MGST1: variants seen among roughly 807,000 people sequenced by gnomAD.
MGST1 encodes the protein glutathione S-transferase 12.
In MGST1, 5 loss-of-function variants were observed where a neutral mutation model predicts 8.9. The ratio of observed to expected loss-of-function variants is 0.56; its 90% CI spans 0.29 to 1.19. The LOEUF is 1.19. Ranked by LOEUF, MGST1 falls within the 50% of genes most tolerant of loss-of-function variation. The pLI is 0.08. For missense variants in MGST1, 182 were observed against 187.4 expected (o/e 0.97, Z 0.17); for synonymous variants, 54 against 67.8 (o/e 0.80, Z 1.00).
chr12:16,351,674 G>A (rs9332895), intron 1 of MGST1, among the ~76,000 whole-genome samples: 4,617 of 152,150 alleles, frequency 0.03, 107 homozygotes, highest in Non-Finnish European at 0.045. Flanking sequence ...GCCAGGTGTG[G>A]TGGCGGGCAC....
intron 1 of MGST1, among the ~76,000 whole-genome samples, chr12:16,428,882 T>C (rs905998078): frequency 1.2e-4 from 18 of 152,080 alleles, no homozygotes; most frequent in African/African-American, 4.3e-4. Context: ...TTTCTAATCT[T>C]TTCAATTTCT....
chr12:16,524,536 A>G (rs1388582022), intron 4 of MGST1, among the ~76,000 whole-genome samples: 1 of 152,074 alleles, frequency 6.6e-6, no homozygotes, highest in African/African-American at 2.4e-5. Flanking sequence ...TGCTGACCAC[A>G]TCAGTTCATC....
intron 4 of MGST1, among the ~76,000 whole-genome samples, chr12:16,509,950 TC>T (rs1343990523): frequency 1.9e-4 from 29 of 152,352 alleles, no homozygotes; most frequent in Non-Finnish European, 1.5e-5. Flanking sequence ...CTAATATAGC[TC>T]TCTTGATCCT....
chr12:16,395,316 T>C (rs957857948), intron 1 of MGST1, among the ~76,000 whole-genome samples: 1 of 152,152 alleles, frequency 6.6e-6, no homozygotes, highest in African/African-American at 2.4e-5. Flanking sequence ...TATATGTCCG[T>C]GTACTTTTCT....
intron 4 of MGST1, among the ~76,000 whole-genome samples, chr12:16,460,549 C>T (rs777602630): frequency 1.6e-4 from 24 of 151,342 alleles, no homozygotes; most frequent in Non-Finnish European, 3.2e-4. Flanking sequence ...CATTCCCACT[C>T]GGCTTGAGCC....
chr12:16,497,748 T>TA lies in MGST1; in HGVS notation n.483-91779dup, dbSNP rs767435810. Among the ~76,000 whole-genome samples the TA allele has an allele frequency of 6.6e-6, 1 of 152,162 alleles. No individual in the cohort carries two copies. The highest frequency in any genetic ancestry group is 1.5e-5 in the Non-Finnish European group (1 of 68,006). On this transcript the variant is annotated intron_variant and non_coding_transcript_variant, in intron 4 of 4. Transcript: ENST00000538857. This position sits in a 1 kb window ranked among gnomAD's most constrained non-coding sequence, Gnocchi z 4.4. Reference sequence around the variant, plus strand: ...TAATCGTTCTGGTTGTAGCCATTTTTACTGTAATTTAGCCATCTCTAAAGC... The same window carrying TA: ...TAATCGTTCTGGTTGTAGCCATTTTTAACTGTAATTTAGCCATCTCTAAAGC...
intron 1 of MGST1, among the ~76,000 whole-genome samples, chr12:16,435,847 A>T (rs2137098003): frequency 6.6e-6 from 1 of 151,946 alleles, no homozygotes; most frequent in East Asian, 1.9e-4. Context: ...GTACTTAGAG[A>T]CATTATTCAG....
chr12:16,387,173 G>A (rs909785282), intron 1 of MGST1, among the ~76,000 whole-genome samples: 1 of 151,750 alleles, frequency 6.6e-6, no homozygotes, highest in Non-Finnish European at 1.5e-5. Context: ...CTTTATCATA[G>A]TGCATGACAT....
chr12:16,548,921 A>G lies in MGST1; in HGVS notation n.483-40607A>G, dbSNP rs1197088207. On this transcript the variant is annotated intron_variant and non_coding_transcript_variant, in intron 4 of 4. Transcript: ENST00000538857. This position sits in a 1 kb window ranked among gnomAD's most constrained non-coding sequence, Gnocchi z 4.2. ...TAATTCTCAGCATATTATGTAAAAG[A>G]AAAAGCAGTGAAAACCTTGTTTGGT... 6.6e-6 allele frequency: 1 copy of G among 152,180 alleles called. No individual in the cohort carries two copies. Among genetic ancestry groups the G allele is most frequent in the African/African-American group, 2.4e-5 (1 of 41,442 alleles). 9.4% of individuals were successfully genotyped at this position (152,180 alleles called of 1,614,324 possible).
intron 1 of MGST1, among the ~76,000 whole-genome samples, chr12:16,388,590 T>C (rs936517075): frequency 6.6e-6 from 1 of 152,244 alleles, no homozygotes; most frequent in African/African-American, 2.4e-5. Flanking sequence ...ATTCCCTGTT[T>C]ATTAAAACCA....
At chr12:16,505,514 G>A (rs7136521) in intron 4 of MGST1, among the ~76,000 whole-genome samples, 150,232 of 152,268 alleles carry the variant, frequency 0.99, 74,151 homozygotes, top group East Asian at 1. Flanking sequence ...AGATCATCCA[G>A]ACTAAAAACC....
At chr12:16,453,468 A>G (rs757597246) in intron 4 of MGST1, among the ~76,000 whole-genome samples, 2 of 151,966 alleles carry the variant, frequency 1.3e-5, no homozygotes, top group African/African-American at 2.4e-5. Context: ...ATACATACAA[A>G]CAAATACATA....
intron 1 of MGST1, among the ~76,000 whole-genome samples, chr12:16,407,515 A>G (rs1940705687): frequency 6.6e-6 from 1 of 152,204 alleles, no homozygotes; most frequent in Admixed American, 6.5e-5. Flanking sequence ...CACTTCCTCA[A>G]AGAACTAAAA....
Position 16,534,012 on chromosome 12 carries a change from G to A in MGST1, n.483-55516G>A, listed in dbSNP as rs546792636. Among the ~76,000 whole-genome samples the A allele has an allele frequency of 3.3e-5, 5 of 152,272 alleles. No homozygotes were observed. The East Asian group carries it at 9.7e-4, about 29-fold the overall frequency. On this transcript the variant is annotated intron_variant and non_coding_transcript_variant, in intron 4 of 4. Coordinates refer to the MGST1 transcript ENST00000538857. The stretch of plus-strand genomic sequence containing the variant: ...GTGTGGCTGGCGCATGGTTTATTAC[G>A]GTGAGGTGGAAGATGAGTCTGGAAA...
At chr12:16,494,166 C>A (rs945254634) in intron 4 of MGST1, among the ~76,000 whole-genome samples, 5 of 152,098 alleles carry the variant, frequency 3.3e-5, no homozygotes, top group Non-Finnish European at 7.4e-5. Context: ...AGAAGTATTG[C>A]ATCCTTGATC....
intron 4 of MGST1, among the ~76,000 whole-genome samples, chr12:16,538,417 G>A (rs1440931938): frequency 4.6e-5 from 7 of 152,054 alleles, no homozygotes; most frequent in Admixed American, 4.6e-4. Flanking sequence ...CAGTTCCAAA[G>A]TCGCTTCCAC....
chr12:16,512,206 G>A (rs1368667320), intron 4 of MGST1, among the ~76,000 whole-genome samples: 1 of 152,040 alleles, frequency 6.6e-6, no homozygotes, highest in Non-Finnish European at 1.5e-5. Context: ...TATACACTGA[G>A]AGCACACAGG....
intron 4 of MGST1, among the ~76,000 whole-genome samples, chr12:16,471,276 G>A (rs1941288230): frequency 6.6e-6 from 1 of 152,164 alleles, no homozygotes; most frequent in Admixed American, 6.6e-5. Context: ...CAACATTGAA[G>A]ACAATGGAGA....
chr12:16,511,904 C>G (rs1417162890), intron 4 of MGST1, among the ~76,000 whole-genome samples: 3 of 152,160 alleles, frequency 2.0e-5, no homozygotes, highest in East Asian at 3.8e-4. Context: ...CTCTTGTTAT[C>G]TATACCCTAT....
Sources: gnomAD v4.1 joint callset for allele counts (sites outside exome capture counted in the v4.1 genomes callset) on GRCh38, gnomAD v4.1.1 for gene constraint, Gnocchi (gnomAD v3.1) non-coding constraint, MANE v1.5 for transcripts, NCBI Gene and HGNC (gene_info 2026-07-23, HGNC 2026-07-21) for gene names.